Variants in PLEKHM3 observed in about 807,000 individuals in gnomAD.
The protein encoded by PLEKHM3 is pleckstrin homology domain-containing family M member 3.
In PLEKHM3, 45 loss-of-function variants were observed where a neutral mutation model predicts 81.8. The observed-to-expected ratio is 0.55, with a 90% confidence interval of 0.43 to 0.71. The LOEUF (loss-of-function observed/expected upper bound fraction) is 0.71. Among genes scored for constraint, PLEKHM3 ranks in the 30% least tolerant of loss-of-function variants. The pLI, the probability that PLEKHM3 is intolerant of heterozygous loss-of-function variation, is 0.00. For missense variants in PLEKHM3, 788 were observed against 924.3 expected (o/e 0.85, Z 1.91); for synonymous variants, 352 against 356.4 (o/e 0.99, Z 0.14).
intron 2 of PLEKHM3, among the ~76,000 whole-genome samples, chr2:207,979,499 A>C (rs11885295): frequency 0.03 from 4,493 of 151,288 alleles, 203 homozygotes; most frequent in African/African-American, 0.099. Flanking sequence ...ATGCCATTGC[A>C]CTCCAGCCTG....
chr2:207,865,803 G>GATATATATATAT (rs71036961), intron 6 of PLEKHM3, among the ~76,000 whole-genome samples: 2 of 29,410 alleles, frequency 6.8e-5, no homozygotes, highest in Non-Finnish European at 1.2e-4. Context: ...AAAAAAAAAA[G>GATATATATATAT]ATATATATAT....
intron 5 of PLEKHM3, among the ~76,000 whole-genome samples, chr2:207,913,127 G>A (rs1008481949): frequency 2.0e-5 from 3 of 152,034 alleles, no homozygotes; most frequent in Non-Finnish European, 4.4e-5. Context: ...CTGAAAAACA[G>A]GACTAAGGAA....
intron 6 of PLEKHM3, among the ~76,000 whole-genome samples, chr2:207,882,787 G>A (rs1418526081): frequency 6.6e-6 from 1 of 151,950 alleles, no homozygotes; most frequent in African/African-American, 2.4e-5. Context: ...CAGTCATACT[G>A]AACTACACAT....
chr2:207,884,739 T>C (rs1190113143), intron 6 of PLEKHM3, among the ~76,000 whole-genome samples: 1 of 152,252 alleles, frequency 6.6e-6, no homozygotes, highest in African/African-American at 2.4e-5. Flanking sequence ...TATTGAATAC[T>C]ATTTAAATAT....
chr2:207,868,179 T>C (rs747507328), intron 6 of PLEKHM3, among the ~76,000 whole-genome samples: 27 of 152,190 alleles, frequency 1.8e-4, no homozygotes, highest in Non-Finnish European at 3.1e-4. Flanking sequence ...CTAGAGTTGA[T>C]GCAGGGGAAT....
At chr2:207,965,538 G>C (rs1161701160) in intron 3 of PLEKHM3, among the ~76,000 whole-genome samples, 2 of 152,020 alleles carry the variant, frequency 1.3e-5, no homozygotes, top group African/African-American at 2.4e-5. Flanking sequence ...AGAATACCAG[G>C]AATAAATCAA....
At chr2:207,923,218 C>T (rs1323958560) in intron 5 of PLEKHM3, among the ~76,000 whole-genome samples, 2 of 152,002 alleles carry the variant, frequency 1.3e-5, no homozygotes, top group Non-Finnish European at 2.9e-5. Flanking sequence ...CTAATAAGAC[C>T]ATTTTACAGT....
Position 207,858,008 on chromosome 2 carries a change from ATATTT to A in PLEKHM3, c.2108+3092_2108+3096del, listed in dbSNP as rs577314868. ...ACTGCTACTTTAGCTGTTTTTTTAT[ATATTT>A]TATATTTCATTTTCATTCATTTCAA... On this transcript the variant is annotated intron_variant, in intron 7 of 7. Coordinates refer to ENST00000427836, the MANE Select transcript of PLEKHM3 (RefSeq NM_001080475.3). Among the ~76,000 whole-genome samples, 210 of 151,072 alleles carry A rather than the reference ATATTT, an allele frequency of 1.4e-3. 2 individuals carry two copies. Among genetic ancestry groups the A allele is most frequent in the Middle Eastern group, 6.8e-3 (2 of 294 alleles).
chr2:207,910,532 C>G (rs771231787), intron 5 of PLEKHM3, among the ~76,000 whole-genome samples: 9 of 152,140 alleles, frequency 5.9e-5, no homozygotes, highest in Non-Finnish European at 1.2e-4. Context: ...CCAATTTGCC[C>G]AAGGTCACAG....
chr2:207,851,370 T>C (rs1334748572), intron 7 of PLEKHM3: 1 of 152,200 alleles, frequency 6.6e-6, no homozygotes, highest in Non-Finnish European at 1.5e-5. Context: ...AGGATATTCT[T>C]ATTGTATTTA....
intron 1 of PLEKHM3, among the ~76,000 whole-genome samples, chr2:208,017,630 T>C (rs1692967145): frequency 6.6e-6 from 1 of 152,172 alleles, no homozygotes; most frequent in Non-Finnish European, 1.5e-5. Flanking sequence ...CCCCTTCCTC[T>C]CTTTTTTCTT....
chr2:207,883,365 G>C (rs1166380173), intron 6 of PLEKHM3, among the ~76,000 whole-genome samples: 2 of 152,180 alleles, frequency 1.3e-5, no homozygotes, highest in Non-Finnish European at 2.9e-5. Flanking sequence ...ATTAGAGTTA[G>C]ATTAAGGTAT....
At chr2:207,924,187 G>C (rs1689307022) in intron 5 of PLEKHM3, among the ~76,000 whole-genome samples, 1 of 151,438 alleles carries the variant, frequency 6.6e-6, no homozygotes, top group Non-Finnish European at 1.5e-5. Flanking sequence ...TTACAAGTGT[G>C]AGCTGCTGCG....
chr2:207,874,092 A>G (rs1324040226), intron 6 of PLEKHM3, among the ~76,000 whole-genome samples: 1 of 152,174 alleles, frequency 6.6e-6, no homozygotes, highest in African/African-American at 2.4e-5. Context: ...TATTTCTAGA[A>G]TATTATCTGT....
chr2:207,931,126 A>G lies in PLEKHM3; in HGVS notation c.1693-7T>C, dbSNP rs1426534229. On this transcript the variant is annotated splice_polypyrimidine_tract_variant and splice_region_variant and intron_variant, in intron 4 of 7. Transcript: ENST00000427836. The stretch of plus-strand genomic sequence containing the variant: ...CCTTGGCCTGCTTCGACACCTACAA[A>G]ACAAGCGTCGTCAGTCAGTCCTGGA... 2.5e-6 allele frequency: 4 copies of G among 1,599,982 alleles called. No individual in the cohort carries two copies. The East Asian group carries it at 9.0e-5, about 36-fold the overall frequency.
intron 4 of PLEKHM3, among the ~76,000 whole-genome samples, chr2:207,945,484 G>C (rs551646364): frequency 5.0e-4 from 76 of 152,330 alleles, no homozygotes; most frequent in African/African-American, 1.4e-3. Context: ...TCAGTGTACT[G>C]TTCCTTACTG....
chr2:207,976,574 G>T lies in PLEKHM3; in HGVS notation c.1546+77C>A, dbSNP rs1691315050. ...ATAGCTGTGACTAGCCTATTAAGGG[G>T]ATTTTTAAAGTGAATTCCAATTGTG... On this transcript the variant is annotated intron_variant, in intron 3 of 7. Transcript: ENST00000427836. The surrounding 1 kb of genome is among the most constrained non-coding windows in gnomAD (Gnocchi z 4.1). 3 of 1,407,580 alleles carry T rather than the reference G, an allele frequency of 2.1e-6. No individual in the cohort carries two copies. Among genetic ancestry groups the T allele is most frequent in the Non-Finnish European group, 2.9e-6 (3 of 1,038,516 alleles). 87.2% of individuals were successfully genotyped at this position (1,407,580 alleles called of 1,614,324 possible). A position where few individuals can be genotyped will look rare whatever the true frequency, so the allele number is the denominator to read the frequency against.
intron 6 of PLEKHM3, among the ~76,000 whole-genome samples, chr2:207,865,801 A>T (rs947138013): frequency 0.025 from 626 of 25,164 alleles, 70 homozygotes; most frequent in African/African-American, 0.13. Flanking sequence ...AAAAAAAAAA[A>T]AGATATATAT....
intron 3 of PLEKHM3, among the ~76,000 whole-genome samples, chr2:207,972,590 A>C (rs76911603): frequency 6.6e-6 from 1 of 151,040 alleles, no homozygotes. Context: ...CCGTCTCAAA[A>C]AAAAAAAAAA....
Sources: gnomAD v4.1 joint callset for allele counts (sites outside exome capture counted in the v4.1 genomes callset) on GRCh38, gnomAD v4.1.1 for gene constraint, Gnocchi (gnomAD v3.1) non-coding constraint, MANE v1.5 for transcripts, NCBI Gene and HGNC (gene_info 2026-07-23, HGNC 2026-07-21) for gene names.